The following CD36 variants were observed in gnomAD, a reference collection of about 807,000 sequenced individuals.
The protein encoded by CD36 is CD36 molecule (CD36 blood group).
Under a neutral mutation model 55.2 loss-of-function variants are expected in CD36, and 119 were observed. That is an observed-to-expected ratio of 2.15 (90% CI 1.86 to 2.51). CD36 has a LOEUF of 2.51. Among genes scored for constraint, CD36 ranks in the 30% most tolerant of loss-of-function variants. CD36 has a pLI of 0.00. For missense variants in CD36, 819 were observed against 555.5 expected, an observed-to-expected ratio of 1.47 and a Z score of -4.77; for synonymous variants, 186 against 193.6, an observed-to-expected ratio of 0.96 and a Z score of 0.33.
At chr7:80,672,661 GTT>G in intron 11 of CD36, 107 bp from the exon 12 acceptor site, 1 of 759,442 alleles carries the variant, frequency 1.3e-6, no homozygotes, top group Non-Finnish European at 2.3e-6. Context: ...AATTAGTCCT[GTT>G]TAACCTTAAG....
chr7:80,667,321 T>G (rs1797184226), intron 8 of CD36, among the ~76,000 whole-genome samples: 1 of 151,550 alleles, frequency 6.6e-6, no homozygotes, highest in African/African-American at 2.4e-5. Context: ...TTCCGGCTAC[T>G]TGGGAGGCTG....
At chr7:80,610,407 A>G (rs1208506824) in intron 1 of CD36, among the ~76,000 whole-genome samples, 1 of 152,098 alleles carries the variant, frequency 6.6e-6, no homozygotes, top group Non-Finnish European at 1.5e-5. Context: ...TCCTAATATT[A>G]TGGTATTTTT....
chr7:80,668,438 G>A (rs969162891), intron 8 of CD36, among the ~76,000 whole-genome samples: 2 of 152,158 alleles, frequency 1.3e-5, no homozygotes, highest in African/African-American at 4.8e-5. Context: ...AGGTTCTAAT[G>A]TGTTTTCATC....
chr7:80,669,649 C>T (rs1234389967), intron 8 of CD36, among the ~76,000 whole-genome samples: 4 of 152,042 alleles, frequency 2.6e-5, no homozygotes, highest in Non-Finnish European at 4.4e-5. Context: ...GCGCCTACCA[C>T]CACACCCAGC....
intron 5 of CD36, among the ~76,000 whole-genome samples, chr7:80,662,784 T>C (rs1007246009): frequency 6.6e-6 from 1 of 152,152 alleles, no homozygotes; most frequent in African/African-American, 2.4e-5. Flanking sequence ...TGGAATGTCG[T>C]CTTCTTGTGG....
chr7:80,623,051 A>G (rs1793558618), intron 1 of CD36, among the ~76,000 whole-genome samples: 1 of 151,536 alleles, frequency 6.6e-6, no homozygotes, highest in South Asian at 2.1e-4. Context: ...AGACTTATCT[A>G]GTAATAATTC....
rs1186012928 is a variant in CD36, at chr7:80,632,134, A to G, written c.-183-13954A>G. On this transcript the variant is annotated intron_variant, in intron 1 of 13. Coordinates refer to the CD36 transcript ENST00000309881. ...TGGAAAATGATGTTATGATTTCACT[A>G]TAGGATTTGATAGATTGTTTTATAT... Among the ~76,000 whole-genome samples, 4 of 151,894 alleles carry G rather than the reference A, an allele frequency of 2.6e-5. No homozygotes were observed. In the East Asian group the frequency reaches 7.8e-4, roughly 30 times the overall value.
In CD36 at chr7:80,673,565, A is replaced by G. The variant is rs535339318; in HGVS notation, c.1254+156A>G. The G allele has an allele frequency of 1.7e-4, 106 of 611,658 alleles. No homozygotes were observed. The African/African-American group carries it at 1.8e-3, about 10-fold the overall frequency. 37.9% of individuals were successfully genotyped at this position (611,658 alleles called of 1,614,324 possible). ...TTATTTAACCTATTTGAGATGATCC[A>G]ATTGAACAAAAACATTTCCTATCAT... On this transcript the variant is annotated intron_variant, in intron 13 of 14. Transcript: ENST00000447544.
exon 1 of CD36, chr7:80,602,372 A>G (rs1792286790): frequency 1.3e-5 from 2 of 152,108 alleles, no homozygotes; most frequent in East Asian, 1.9e-4. Flanking sequence ...AAGCTCTTCT[A>G]GAAGTTGGTG....
At chr7:80,675,036 A>C (rs1798103837) in intron 14 of CD36, among the ~76,000 whole-genome samples, 1 of 151,710 alleles carries the variant, frequency 6.6e-6, no homozygotes, top group Admixed American at 6.6e-5. Flanking sequence ...AGCATAAATC[A>C]GTGAAAGTGG....
intron 1 of CD36, among the ~76,000 whole-genome samples, chr7:80,641,993 C>A (rs142726408): frequency 7.3e-4 from 111 of 151,356 alleles, no homozygotes; most frequent in Non-Finnish European, 1.1e-3. Flanking sequence ...GATGACCCAA[C>A]GGAATAGGGT....
At chr7:80,610,117 G>GTCACTTAACACTGTC (rs1792793828) in intron 1 of CD36, among the ~76,000 whole-genome samples, 1 of 152,192 alleles carries the variant, frequency 6.6e-6, no homozygotes, top group South Asian at 2.1e-4. Context: ...TTTAACAGCT[G>GTCACTTAACACTGTC]ATTAAATGAG....
At position 80,632,940 on chromosome 7, in the gene CD36, T is replaced by C. The variant is rs575312157; in HGVS notation, c.-183-13148T>C. 4.3e-4 allele frequency among the ~76,000 whole-genome samples: 66 copies of C among 152,108 alleles called. 2 individuals carry two copies. In the South Asian group the frequency reaches 0.013, roughly 29 times the overall value. Reference sequence around the variant, plus strand: ...AATTCAAAATTCATTAATTGCTATTTTTTTCTCAACGTTTAAAAAACTAGG... The same window carrying C: ...AATTCAAAATTCATTAATTGCTATTCTTTTCTCAACGTTTAAAAAACTAGG... On this transcript the variant is annotated intron_variant, in intron 1 of 13. Coordinates refer to the CD36 transcript ENST00000309881.
intron 1 of CD36, among the ~76,000 whole-genome samples, chr7:80,622,186 A>G (rs1205123320): frequency 6.6e-6 from 1 of 152,216 alleles, no homozygotes; most frequent in Non-Finnish European, 1.5e-5. Context: ...TCCATCACTC[A>G]ATAAAATTAT....
chr7:80,632,280 A>G (rs1222139880), intron 1 of CD36, among the ~76,000 whole-genome samples: 2 of 151,706 alleles, frequency 1.3e-5, no homozygotes, highest in African/African-American at 2.4e-5. Flanking sequence ...AAAAAACAGA[A>G]CAAGAATGGT....
At chr7:80,609,218 G>T (rs1792738487) in intron 1 of CD36, among the ~76,000 whole-genome samples, 1 of 152,136 alleles carries the variant, frequency 6.6e-6, no homozygotes, top group Admixed American at 6.5e-5. Context: ...CCACTTTTCT[G>T]GTGTCTTGTT....
intron 3 of CD36, among the ~76,000 whole-genome samples, chr7:80,653,335 A>G (rs2116520112): frequency 6.6e-6 from 1 of 152,330 alleles, no homozygotes; most frequent in Non-Finnish European, 1.5e-5. Flanking sequence ...TTAATAATGA[A>G]AGTTGTCAGT....
rs200818419 is a variant in CD36, at chr7:80,673,426, G to A, written c.1254+17G>A. 3 of 1,507,524 alleles carry A rather than the reference G, an allele frequency of 2.0e-6. No homozygotes were observed. The highest frequency in any genetic ancestry group is 2.3e-5 in the East Asian group (1 of 44,048). The allele number at this position is 1,507,524 out of a possible 1,614,324, so 93.4% of individuals were successfully genotyped here. A position where few individuals can be genotyped will look rare whatever the true frequency, so the allele number is the denominator to read the frequency against. ...CTTAATGAGGTTTGTATTTGCAGCTGTTAGTCATTAAAAACAACCTTCTTT... is the reference window on the plus strand; with the variant it reads ...CTTAATGAGGTTTGTATTTGCAGCTATTAGTCATTAAAAACAACCTTCTTT... On this transcript the variant is annotated intron_variant, in intron 13 of 14. Coordinates refer to ENST00000447544, the MANE Select transcript of CD36 (RefSeq NM_001001548.3).
intron 1 of CD36, among the ~76,000 whole-genome samples, chr7:80,618,259 A>G (rs1361326206): frequency 3.9e-5 from 6 of 152,044 alleles, no homozygotes; most frequent in Non-Finnish European, 7.4e-5. Context: ...ACACTTAAAG[A>G]GTGTTGTGTA....
Sources: allele counts gnomAD v4.1 joint callset (sites outside exome capture counted in the v4.1 genomes callset), GRCh38; gene constraint gnomAD v4.1.1; transcripts MANE v1.5; gene names NCBI Gene and HGNC (gene_info 2026-07-23, HGNC 2026-07-21).